Variants in DGKH observed in about 807,000 individuals in gnomAD.
DGKH encodes DAG kinase eta.
A neutral mutation model predicts 159.3 loss-of-function variants in DGKH; 90 were observed. The ratio of observed to expected loss-of-function variants is 0.57; its 90% CI spans 0.48 to 0.67. The LOEUF (loss-of-function observed/expected upper bound fraction) is 0.67. DGKH is among the 30% of genes least tolerant of loss of function. DGKH has a pLI of 0.00. For synonymous variants in DGKH, 536 were observed against 553.8 expected, an observed-to-expected ratio of 0.97 and a Z score of 0.45; for missense variants, 1,181 against 1,506.1, an observed-to-expected ratio of 0.78 and a Z score of 3.57.
intron 30 of DGKH, among the ~76,000 whole-genome samples, chr13:42,253,022 A>G (rs549665592): frequency 6.6e-6 from 1 of 152,284 alleles, no homozygotes; most frequent in African/African-American, 2.4e-5. Flanking sequence ...AATTTCAAGC[A>G]TTTTATAATT....
chr13:42,176,558 G>A (rs1956607442), intron 12 of DGKH, among the ~76,000 whole-genome samples: 1 of 117,886 alleles, frequency 8.5e-6, no homozygotes, highest in African/African-American at 2.7e-5. Context: ...ATTTAAAAGA[G>A]TAACATACTT....
At chr13:42,086,471 A>G (rs1009016598) in intron 1 of DGKH, among the ~76,000 whole-genome samples, 5 of 152,206 alleles carry the variant, frequency 3.3e-5, no homozygotes, top group Non-Finnish European at 7.4e-5. Flanking sequence ...ATGGTTTTGT[A>G]TACTGAGGAA....
chr13:42,087,044 A>AACACACACACACACAC lies in DGKH; in HGVS notation c.192+38104_192+38119dup, dbSNP rs71298957. Among the ~76,000 whole-genome samples the AACACACACACACACAC allele has an allele frequency of 5.2e-3, 727 of 140,136 alleles. 4 individuals carry two copies. Among genetic ancestry groups the AACACACACACACACAC allele is most frequent in the Non-Finnish European group, 6.3e-3 (411 of 65,574 alleles). The allele number at this position is 140,136 out of a possible 152,430, so 91.9% of individuals were successfully genotyped here. A position where few individuals can be genotyped will look rare whatever the true frequency, so the allele number is the denominator to read the frequency against. ...TCGAGGAAAGAAATGCCAGAAGGAA[A>AACACACACACACACAC]ACACACACACACACACACACACACA... On this transcript the variant is annotated intron_variant, in intron 1 of 29. Coordinates refer to ENST00000337343, the MANE Select transcript of DGKH (RefSeq NM_178009.5).
chr13:42,193,090 A>C (rs1223842331), intron 16 of DGKH, among the ~76,000 whole-genome samples: 3 of 152,134 alleles, frequency 2.0e-5, no homozygotes, highest in African/African-American at 7.2e-5. Context: ...TCTTAAGTTT[A>C]TTTCATCTGT....
At chr13:42,101,426 A>G (rs1954650264) in intron 1 of DGKH, among the ~76,000 whole-genome samples, 1 of 152,196 alleles carries the variant, frequency 6.6e-6, no homozygotes, top group South Asian at 2.1e-4. Context: ...TTAAATTAAA[A>G]CCAATTAAAA....
At chr13:42,211,154 A>G (rs1352960782) in intron 24 of DGKH, among the ~76,000 whole-genome samples, 1 of 152,200 alleles carries the variant, frequency 6.6e-6, no homozygotes. Context: ...GATAAAAAGC[A>G]AGCCTATGAG....
chr13:42,204,294 A>G (rs1267487680), intron 20 of DGKH, among the ~76,000 whole-genome samples: 1 of 152,206 alleles, frequency 6.6e-6, no homozygotes, highest in Non-Finnish European at 1.5e-5. Flanking sequence ...TCTGTTAAGT[A>G]TTTCATATTT....
intron 26 of DGKH, among the ~76,000 whole-genome samples, chr13:42,217,079 C>T (rs778743965): frequency 2.0e-5 from 3 of 152,024 alleles, no homozygotes; most frequent in Non-Finnish European, 4.4e-5. Flanking sequence ...GTGAATTTTA[C>T]CAAAACTTTT....
At chr13:42,097,292 G>A (rs556951361) in intron 1 of DGKH, among the ~76,000 whole-genome samples, 1 of 152,180 alleles carries the variant, frequency 6.6e-6, no homozygotes, top group East Asian at 1.9e-4. Flanking sequence ...CACTTACTGT[G>A]TAATTTTCCT....
At chr13:42,069,592 A>T (rs1336731403) in intron 1 of DGKH, 1 of 1,530,322 alleles carries the variant, frequency 6.5e-7, no homozygotes, top group African/African-American at 1.4e-5. Context: ...CTGGGCTTTA[A>T]CCAATCCATT....
At chr13:42,173,978 T>C in intron 11 of DGKH, 82 bp from the exon 12 acceptor site, 1 of 828,550 alleles carries the variant, frequency 1.2e-6, no homozygotes, top group Non-Finnish European at 2.0e-6. Context: ...TGTGTGTGTG[T>C]GTGTGCGCGT....
At chr13:42,110,272 C>A (rs1037507711) in intron 1 of DGKH, among the ~76,000 whole-genome samples, 1 of 152,134 alleles carries the variant, frequency 6.6e-6, no homozygotes, top group Non-Finnish European at 1.5e-5. Flanking sequence ...TACCACTGAC[C>A]CCCAGCTCCT....
intron 29 of DGKH, among the ~76,000 whole-genome samples, chr13:42,222,993 C>A (rs1157196988): frequency 1.3e-5 from 2 of 152,030 alleles, no homozygotes; most frequent in Non-Finnish European, 2.9e-5. Flanking sequence ...TTTCATGGGA[C>A]TTTTTTGTTC....
At chr13:42,152,831 T>A (rs540725313) in intron 3 of DGKH, among the ~76,000 whole-genome samples, 1 of 144,528 alleles carries the variant, frequency 6.9e-6, no homozygotes, top group South Asian at 2.2e-4. Context: ...AGGGGTGGCT[T>A]GTTTCGCTGG....
At chr13:42,073,326 C>T (rs1275072696) in intron 1 of DGKH, among the ~76,000 whole-genome samples, 1 of 152,070 alleles carries the variant, frequency 6.6e-6, no homozygotes, top group East Asian at 1.9e-4. Context: ...GAATGCAGTC[C>T]TTTCTTATAG....
At chr13:42,216,580 G>C (rs1381933021) in intron 26 of DGKH, 1 of 152,204 alleles carries the variant, frequency 6.6e-6, no homozygotes, top group African/African-American at 2.4e-5. Flanking sequence ...TGAGCTTAGG[G>C]TTTCTGTTTT....
At chr13:42,249,799 T>A (rs238329) in intron 29 of DGKH, among the ~76,000 whole-genome samples, 149,845 of 152,052 alleles carry the variant, frequency 0.99, 73,859 homozygotes, top group East Asian at 1. Flanking sequence ...GATTATGTTT[T>A]AAAAAAGTTT....
intron 30 of DGKH, among the ~76,000 whole-genome samples, chr13:42,252,895 C>T (rs1958630645): frequency 1.3e-5 from 2 of 151,966 alleles, no homozygotes; most frequent in South Asian, 4.2e-4. Context: ...TTACAGGTGC[C>T]CACCACCATG....
chr13:42,210,548 C>T (rs1957627113), intron 23 of DGKH, 54 bp from the exon 24 acceptor site: 2 of 1,532,532 alleles, frequency 1.3e-6, no homozygotes, highest in Non-Finnish European at 1.8e-6. Context: ...CACACATTTA[C>T]ATGGACCTCT....
Sources: gnomAD v4.1 joint callset for allele counts (sites outside exome capture counted in the v4.1 genomes callset) on GRCh38, gnomAD v4.1.1 for gene constraint, MANE v1.5 for transcripts, NCBI Gene and HGNC (gene_info 2026-07-23, HGNC 2026-07-21) for gene names.